Variants in HERC2 observed in about 807,000 individuals in gnomAD.
HERC2 encodes HECT and RLD domain containing E3 ubiquitin protein ligase 2, also known as E3 ubiquitin-protein ligase HERC2.
Under a neutral mutation model 537.7 loss-of-function variants are expected in HERC2, and 102 were observed. That is an observed-to-expected ratio of 0.19 (90% CI 0.16 to 0.22). HERC2 has a LOEUF of 0.22. HERC2 is among the 10% of genes least tolerant of loss of function. The pLI, the probability that HERC2 is intolerant of heterozygous loss-of-function variation, is 1.00. For missense variants in HERC2, 4,236 were observed against 6,198.2 expected (o/e 0.68, Z 10.63); for synonymous variants, 2,224 against 2,466.2 (o/e 0.90, Z 2.91).
At chr15:28,194,440 G>A (rs1897154902) in intron 52 of HERC2, among the ~76,000 whole-genome samples, 1 of 151,118 alleles carries the variant, frequency 6.6e-6, no homozygotes, top group African/African-American at 2.4e-5. Flanking sequence ...CGTGGTGGCG[G>A]GCGCCTGTAG....
chr15:28,183,698 T>C (rs1350216000), intron 56 of HERC2, among the ~76,000 whole-genome samples: 2 of 152,250 alleles, frequency 1.3e-5, no homozygotes, highest in Non-Finnish European at 2.9e-5. Flanking sequence ...CTAGGATAGA[T>C]GCCCAAAGGC....
intron 85 of HERC2, among the ~76,000 whole-genome samples, chr15:28,123,302 C>T (rs1251576118): frequency 2.0e-5 from 3 of 152,182 alleles, no homozygotes; most frequent in East Asian, 1.9e-4. Context: ...CCATAATATT[C>T]GACAACAAAA....
chr15:28,195,011 G>A lies in HERC2; in HGVS notation c.8260+1204C>T, dbSNP rs191065983. ...GTGTCAGTTACAGTGAGCCAGGATC[G>A]CGCCACTGCACTCCAGCCTGGGCAA... is the stretch of plus-strand genomic sequence containing the variant. On this transcript the variant is annotated intron_variant, in intron 52 of 92. Transcript: ENST00000261609. Among the ~76,000 whole-genome samples the A allele has an allele frequency of 1.8e-3, 274 of 150,932 alleles. 2 individuals are homozygous for A. Among genetic ancestry groups the A allele is most frequent in the Middle Eastern group, 0.014 (4 of 290 alleles).
intron 52 of HERC2, among the ~76,000 whole-genome samples, chr15:28,193,411 T>C (rs1222876809): frequency 1.3e-5 from 2 of 151,990 alleles, no homozygotes; most frequent in Non-Finnish European, 2.9e-5. Context: ...AGTAAAAATA[T>C]CTGGAATGAA....
At chr15:28,194,526 C>T (rs1350311566) in intron 52 of HERC2, among the ~76,000 whole-genome samples, 1 of 151,230 alleles carries the variant, frequency 6.6e-6, no homozygotes, top group Non-Finnish European at 1.5e-5. Context: ...GCCAAGATCA[C>T]GCGCCACTGC....
rs760962458 is a variant in HERC2 at position 28,125,145 on chromosome 15, C to T, written c.12851G>A (p.Gly4284Glu). ...GDNDEGQLGD[G>E]TTNAIQRPRL... ...AGGCCTCTGGATGGCATTGGTGGTT[C>T]CGTCTCCCAGTTGTCCCTCATCATT... Residue 4284 changes from glycine to glutamate, a missense_variant, in exon 84 of 93, where the codon GGA (glycine) becomes GAA (glutamate). Physicochemically the swap from Gly to Glu is moderately conservative, Grantham distance 98. Transcript: ENST00000261609. 3 of 1,614,084 alleles carry T rather than the reference C, an allele frequency of 1.9e-6. No homozygotes were observed. The highest frequency in any genetic ancestry group is 1.7e-6 in the Non-Finnish European group (2 of 1,179,932).
chr15:28,311,923 G>A (rs1467886800), intron 2 of HERC2, among the ~76,000 whole-genome samples: 1 of 152,082 alleles, frequency 6.6e-6, no homozygotes, highest in Non-Finnish European at 1.5e-5. Context: ...AAGCCAAGGA[G>A]GAAGCCCAGT....
intron 30 of HERC2, among the ~76,000 whole-genome samples, chr15:28,232,606 A>G (rs929492039): frequency 7.2e-5 from 11 of 152,168 alleles, no homozygotes; most frequent in African/African-American, 2.4e-4. Context: ...TATAATCACA[A>G]GTGACTAAAT....
chr15:28,317,935 A>C (rs1288195652), intron 2 of HERC2, among the ~76,000 whole-genome samples: 1 of 152,216 alleles, frequency 6.6e-6, no homozygotes, highest in Admixed American at 6.5e-5. Context: ...AAATTGCTTC[A>C]TGCCTATCTA....
Position 28,233,445 on chromosome 15 carries a change from A to G in HERC2, c.4468T>C (p.Ser1490Pro). 1 of 1,382,190 alleles carries G rather than the reference A, an allele frequency of 7.2e-7. No homozygotes were observed. The highest frequency in any genetic ancestry group is 2.3e-5 in the East Asian group (1 of 43,728). The allele number at this position is 1,382,190 out of a possible 1,614,324, so 85.6% of individuals were successfully genotyped here. ...TTAAAATCTATCACCTTAATGAGCG[A>G]ACATTTTGCTTGGTAGACAACTCTA... is the stretch of plus-strand genomic sequence containing the variant. The part of the protein sequence containing the change: ...VCRVVYQAKC[S>P]LIKTHQEQGR... The change falls in exon 29 of 93, where the codon TCG (serine) becomes CCG (proline). Residue 1490 changes from serine to proline, a missense_variant. By Grantham distance (74) the Ser-to-Pro change is moderately conservative. Coordinates refer to ENST00000261609, the MANE Select transcript of HERC2 (RefSeq NM_004667.6).
intron 52 of HERC2, among the ~76,000 whole-genome samples, chr15:28,193,329 T>C (rs1393090036): frequency 2.6e-5 from 4 of 152,172 alleles, no homozygotes; most frequent in African/African-American, 9.7e-5. Context: ...AGACTAGAAC[T>C]GATAAATTGA....
chr15:28,148,025 A>G (rs546994117), intron 70 of HERC2, among the ~76,000 whole-genome samples: 2 of 151,638 alleles, frequency 1.3e-5, no homozygotes, highest in East Asian at 3.9e-4. Context: ...TGACAGAGCA[A>G]GACTGTGTCT....
intron 23 of HERC2, among the ~76,000 whole-genome samples, chr15:28,241,153 A>C (rs1327272075): frequency 6.6e-6 from 1 of 152,204 alleles, no homozygotes; most frequent in Non-Finnish European, 1.5e-5. Flanking sequence ...ATCTATGCAG[A>C]ATATATAATT....
intron 56 of HERC2, among the ~76,000 whole-genome samples, chr15:28,186,120 T>C (rs1211418807): frequency 1.3e-5 from 2 of 152,200 alleles, no homozygotes; most frequent in Admixed American, 6.5e-5. Context: ...TGAATGTACT[T>C]AATGCCACTG....
chr15:28,254,047 G>C (rs1365095988), intron 20 of HERC2, among the ~76,000 whole-genome samples: 2 of 152,066 alleles, frequency 1.3e-5, no homozygotes, highest in Non-Finnish European at 2.9e-5. Flanking sequence ...ACTTTGGGAG[G>C]CCAAGGCGGG....
At chr15:28,302,712 GATA>G (rs1404145746) in intron 2 of HERC2, among the ~76,000 whole-genome samples, 1 of 124,582 alleles carries the variant, frequency 8.0e-6, no homozygotes, top group African/African-American at 3.0e-5. Flanking sequence ...ATTAGGGTGA[GATA>G]ATATCTCATT....
At chr15:28,183,855 C>T (rs1018994804) in intron 56 of HERC2, among the ~76,000 whole-genome samples, 1 of 152,088 alleles carries the variant, frequency 6.6e-6, no homozygotes, top group Admixed American at 6.5e-5. Flanking sequence ...AGCATAAGCA[C>T]AAAATATTGA....
At chr15:28,288,451 AGGG>A in intron 4 of HERC2, among the ~76,000 whole-genome samples, 1 of 24 alleles carries the variant, frequency 0.042, no homozygotes, top group African/African-American at 0.17. Flanking sequence ...TGAACCCAGG[AGGG>A]AGGCAGAGGC....
In HERC2 at chr15:28,122,848, C is replaced by T. The variant is rs947019652; in HGVS notation, c.13188+1189G>A. On this transcript the variant is annotated intron_variant, in intron 85 of 92. Transcript: ENST00000261609. This position sits in a 1 kb window ranked among gnomAD's most constrained non-coding sequence, Gnocchi z 4.1. ...CCGCTCCCCTACCACACACCAGCTC[C>T]CACCCATGCCCCGCTCACAGCCTGC... Among the ~76,000 whole-genome samples, 1 of 152,072 alleles carries T rather than the reference C, an allele frequency of 6.6e-6. No homozygotes were observed. Among genetic ancestry groups the T allele is most frequent in the Non-Finnish European group, 1.5e-5 (1 of 68,016 alleles).
Sources: gnomAD v4.1 joint callset for allele counts (sites outside exome capture counted in the v4.1 genomes callset) on GRCh38, gnomAD v4.1.1 for gene constraint, Gnocchi (gnomAD v3.1) non-coding constraint, MANE v1.5 for transcripts, NCBI Gene and HGNC (gene_info 2026-07-23, HGNC 2026-07-21) for gene names.